Variants in RAP1A observed in about 807,000 individuals in gnomAD.
RAP1A encodes ras-related protein Rap-1A.
A neutral mutation model predicts 26.4 loss-of-function variants in RAP1A; 6 were observed. That is an observed-to-expected ratio of 0.23 (90% CI 0.12 to 0.45). The LOEUF (loss-of-function observed/expected upper bound fraction) is 0.45, where lower values mean the gene tolerates loss of function less well. Ranked by LOEUF, RAP1A falls within the 20% of genes least tolerant of loss-of-function variation. The probability of loss-of-function intolerance (pLI) is 0.99; values close to 1 mark genes in which losing one functional copy is unlikely to be tolerated. For synonymous variants in RAP1A, 73 were observed against 79.4 expected (o/e 0.92, Z 0.43); for missense variants, 121 against 217.2 (o/e 0.56, Z 2.78).
intron 1 of RAP1A, among the ~76,000 whole-genome samples, chr1:111,581,950 C>G (rs989507021): frequency 1.3e-5 from 2 of 152,160 alleles, no homozygotes; most frequent in Non-Finnish European, 2.9e-5. Context: ...GCTCCATTAA[C>G]TAGGGAGGAA....
At chr1:111,624,887 C>G (rs1346937286) in intron 1 of RAP1A, among the ~76,000 whole-genome samples, 1 of 151,894 alleles carries the variant, frequency 6.6e-6, no homozygotes, top group African/African-American at 2.4e-5. Flanking sequence ...GCACTAATGA[C>G]TTATTTACTT....
intron 1 of RAP1A, among the ~76,000 whole-genome samples, chr1:111,637,769 A>G (rs961322730): frequency 6.6e-6 from 1 of 152,112 alleles, no homozygotes; most frequent in African/African-American, 2.4e-5. Context: ...AATACTATAG[A>G]TGTATAGTAG....
At chr1:111,644,033 C>G (rs1659974785) in intron 1 of RAP1A, among the ~76,000 whole-genome samples, 1 of 152,158 alleles carries the variant, frequency 6.6e-6, no homozygotes, top group South Asian at 2.1e-4. Flanking sequence ...GAGGCCTACT[C>G]ACATTATTGA....
intron 1 of RAP1A, among the ~76,000 whole-genome samples, chr1:111,609,496 T>G (rs1309909878): frequency 6.6e-6 from 1 of 152,224 alleles, no homozygotes; most frequent in Non-Finnish European, 1.5e-5. Flanking sequence ...CTTTTTCTTC[T>G]GTCTTCATCT....
At chr1:111,655,252 A>C (rs915948393) in intron 1 of RAP1A, among the ~76,000 whole-genome samples, 3 of 122,034 alleles carry the variant, frequency 2.5e-5, no homozygotes, top group African/African-American at 9.3e-5. Context: ...AGAAAAAAAA[A>C]CAATGCAATA....
chr1:111,632,033 G>A (rs72695280), intron 1 of RAP1A, among the ~76,000 whole-genome samples: 19,549 of 152,114 alleles, frequency 0.13, 1,588 homozygotes, highest in South Asian at 0.17. Flanking sequence ...TGGAATTACA[G>A]TAGTCCAAAT....
Position 111,620,058 on chromosome 1 carries a change from T to C in RAP1A, c.-28+124T>C, listed in dbSNP as rs530958244. 8 of 391,686 alleles carry C rather than the reference T, an allele frequency of 2.0e-5. No homozygotes were observed. The South Asian group carries it at 1.1e-3, about 54-fold the overall frequency. The allele number at this position is 391,686 out of a possible 1,614,324, so 24.3% of individuals were successfully genotyped here. A position where few individuals can be genotyped will look rare whatever the true frequency, so the allele number is the denominator to read the frequency against. On this transcript the variant is annotated intron_variant, in intron 1 of 7. Coordinates refer to ENST00000369709, the MANE Select transcript of RAP1A (RefSeq NM_002884.4). Reference sequence around the variant, plus strand: ...CCTGGCTCCCCCTTCCTCCTCCGCGTTCCATCGGTGTCGGGGCGGCGGCCC... The same window carrying C: ...CCTGGCTCCCCCTTCCTCCTCCGCGCTCCATCGGTGTCGGGGCGGCGGCCC...
chr1:111,559,575 T>C (rs1205178824), intron 1 of RAP1A, among the ~76,000 whole-genome samples: 1 of 152,224 alleles, frequency 6.6e-6, no homozygotes, highest in Non-Finnish European at 1.5e-5. Flanking sequence ...TCATAATTTC[T>C]ATCCTATCTA....
chr1:111,693,782 A>G (rs1661746246), intron 2 of RAP1A, among the ~76,000 whole-genome samples: 1 of 152,160 alleles, frequency 6.6e-6, no homozygotes, highest in African/African-American at 2.4e-5. Context: ...ACCTCTTAGA[A>G]TACATCTTAG....
chr1:111,664,816 A>G (rs983375800), intron 1 of RAP1A, among the ~76,000 whole-genome samples: 5 of 152,210 alleles, frequency 3.3e-5, no homozygotes, highest in African/African-American at 7.2e-5. Context: ...GGATATTACT[A>G]GTATCTGCCT....
chr1:111,564,007 C>T lies in RAP1A; in HGVS notation c.-28+21498C>T, dbSNP rs1048052459. On this transcript the variant is annotated intron_variant, in intron 1 of 7. Coordinates refer to the RAP1A transcript ENST00000356415. ...CACAGAAGCTTCCAACAGCCACATT[C>T]CACCCATCCAACCCTTCTGCCATTA... 7 of 1,298,310 alleles carry T rather than the reference C, an allele frequency of 5.4e-6. No individual in the cohort carries two copies. In the African/African-American group the frequency reaches 5.8e-5, roughly 11 times the overall value. The allele number at this position is 1,298,310 out of a possible 1,614,324, so 80.4% of individuals were successfully genotyped here. A position where few individuals can be genotyped will look rare whatever the true frequency, so the allele number is the denominator to read the frequency against.
intron 4 of RAP1A, among the ~76,000 whole-genome samples, chr1:111,701,572 A>G (rs879907104): frequency 6.6e-6 from 1 of 152,164 alleles, no homozygotes; most frequent in African/African-American, 2.4e-5. Context: ...GGCTACAACT[A>G]TGTCAGTGGA....
chr1:111,703,522 G>A (rs1167887491), intron 5 of RAP1A, 46 bp downstream of exon 5: 2 of 1,443,792 alleles, frequency 1.4e-6, no homozygotes, highest in Non-Finnish European at 1.8e-6. Context: ...TCTCTCTGTG[G>A]CCAAATAAAA....
chr1:111,565,212 G>C (rs1329563465), intron 1 of RAP1A, among the ~76,000 whole-genome samples: 2 of 152,110 alleles, frequency 1.3e-5, no homozygotes, highest in African/African-American at 2.4e-5. Flanking sequence ...AATGAACAAA[G>C]GGGGGGAGTG....
At chr1:111,655,563 A>G (rs1660427548) in intron 1 of RAP1A, among the ~76,000 whole-genome samples, 1 of 151,168 alleles carries the variant, frequency 6.6e-6, no homozygotes, top group Non-Finnish European at 1.5e-5. Flanking sequence ...AAACTGTGCT[A>G]TTAGGGATAT....
At position 111,614,458 on chromosome 1, in the gene RAP1A, T is replaced by TA. The variant is rs1174045715; in HGVS notation, c.-28+71952dup. On this transcript the variant is annotated intron_variant, in intron 1 of 7. Coordinates refer to the RAP1A transcript ENST00000356415. ...TTATTGATATGTATCACAATCTTCTTAAAGTCTTCAATTGGTCCTAGAAGT... is the reference window on the plus strand; with the variant it reads ...TTATTGATATGTATCACAATCTTCTTAAAAGTCTTCAATTGGTCCTAGAAGT... 4.6e-5 allele frequency among the ~76,000 whole-genome samples: 7 copies of TA among 152,318 alleles called. No homozygotes were observed. In the East Asian group the frequency reaches 7.7e-4, roughly 17 times the overall value.
At chr1:111,675,466 T>A (rs982621920) in intron 1 of RAP1A, among the ~76,000 whole-genome samples, 3 of 150,626 alleles carry the variant, frequency 2.0e-5, no homozygotes, top group Non-Finnish European at 4.4e-5. Context: ...AGTGAGACTC[T>A]GTCTAAAAAA....
At chr1:111,576,402 A>G (rs566602020) in intron 1 of RAP1A, among the ~76,000 whole-genome samples, 1 of 152,354 alleles carries the variant, frequency 6.6e-6, no homozygotes, top group East Asian at 1.9e-4. Context: ...TTAAGTATAT[A>G]TATAATAATT....
At chr1:111,611,145 C>T (rs1047269519) in intron 1 of RAP1A, among the ~76,000 whole-genome samples, 4 of 152,176 alleles carry the variant, frequency 2.6e-5, no homozygotes, top group Admixed American at 6.5e-5. Context: ...TGTAACAAAA[C>T]CTCTTTCTAA....
Sources: allele counts gnomAD v4.1 joint callset (sites outside exome capture counted in the v4.1 genomes callset), GRCh38; gene constraint gnomAD v4.1.1; transcripts MANE v1.5; gene names NCBI Gene and HGNC (gene_info 2026-07-23, HGNC 2026-07-21).